The following CCNY variants were observed in gnomAD, a reference collection of about 807,000 sequenced individuals.
The protein encoded by CCNY is cyclin Y, also known as cyclin-Y.
CCNY carries 19 observed loss-of-function variants against 42.8 expected under a neutral mutation model. The observed-to-expected ratio is 0.44, with a 90% confidence interval of 0.31 to 0.65. The LOEUF (loss-of-function observed/expected upper bound fraction) is 0.65. Ranked by LOEUF, CCNY falls within the 30% of genes least tolerant of loss-of-function variation. CCNY has a pLI of 0.07. For synonymous variants in CCNY, 165 were observed against 162.7 expected (o/e 1.01, Z -0.11); for missense variants, 370 against 437.3 (o/e 0.85, Z 1.37).
At chr10:35,294,275 T>C (rs1443955516) in intron 3 of CCNY, among the ~76,000 whole-genome samples, 2 of 152,212 alleles carry the variant, frequency 1.3e-5, no homozygotes, top group Non-Finnish European at 2.9e-5. Context: ...TTATCCTGGT[T>C]AGAACCTCTA....
chr10:35,308,203 C>G (rs532667822), intron 3 of CCNY, among the ~76,000 whole-genome samples: 1 of 152,022 alleles, frequency 6.6e-6, no homozygotes, highest in East Asian at 1.9e-4. Flanking sequence ...CATGGCAGAG[C>G]TTAGAATGGA....
At chr10:35,513,480 C>T (rs913209636) in intron 3 of CCNY, among the ~76,000 whole-genome samples, 4 of 152,204 alleles carry the variant, frequency 2.6e-5, no homozygotes, top group African/African-American at 7.2e-5. Context: ...GCATAAAGAA[C>T]ATCCCTGTTG....
chr10:35,388,857 A>AGG (rs1336287766), intron 1 of CCNY, among the ~76,000 whole-genome samples: 2 of 152,146 alleles, frequency 1.3e-5, no homozygotes, highest in African/African-American at 4.8e-5. Flanking sequence ...CAGTGTCTAG[A>AGG]GGTTGCCTGC....
At chr10:35,540,792 A>C (rs1460143693) in intron 7 of CCNY, among the ~76,000 whole-genome samples, 1 of 152,188 alleles carries the variant, frequency 6.6e-6, no homozygotes, top group Non-Finnish European at 1.5e-5. Context: ...AGCATTACCC[A>C]ATTTGTTGTC....
chr10:35,407,206 C>T (rs767814889), intron 1 of CCNY, among the ~76,000 whole-genome samples: 4 of 151,958 alleles, frequency 2.6e-5, no homozygotes, highest in Non-Finnish European at 4.4e-5. Flanking sequence ...AGTCATGGAA[C>T]GAAACTGTAA....
At chr10:35,476,543 C>T (rs1252010150) in intron 1 of CCNY, among the ~76,000 whole-genome samples, 1 of 151,838 alleles carries the variant, frequency 6.6e-6, no homozygotes, top group Non-Finnish European at 1.5e-5. Flanking sequence ...CTACTGGGTA[C>T]ATAACGAAAT....
In CCNY at chr10:35,297,741, T is replaced by C. The variant is rs367927919; in HGVS notation, c.-9+47115T>C. ...ATCAGGAATGCAATCCCATTCACAATTGCCACAAAAAGAAAAAAATACCTA... is the reference window on the plus strand; with the variant it reads ...ATCAGGAATGCAATCCCATTCACAACTGCCACAAAAAGAAAAAAATACCTA... On this transcript the variant is annotated intron_variant, in intron 3 of 11. Coordinates refer to the CCNY transcript ENST00000374706. Among the ~76,000 whole-genome samples, 56 of 152,034 alleles carry C rather than the reference T, an allele frequency of 3.7e-4. No homozygotes were observed. In the East Asian group the frequency reaches 0.01, roughly 28 times the overall value.
At chr10:35,418,578 A>G (rs2135259246) in intron 1 of CCNY, among the ~76,000 whole-genome samples, 1 of 152,288 alleles carries the variant, frequency 6.6e-6, no homozygotes, top group East Asian at 1.9e-4. Context: ...CATAACAATG[A>G]TAACAGATGG....
At chr10:35,407,350 C>T (rs549166037) in intron 1 of CCNY, among the ~76,000 whole-genome samples, 55 of 151,874 alleles carry the variant, frequency 3.6e-4, no homozygotes, top group African/African-American at 1.0e-3. Flanking sequence ...TCAGATGGGT[C>T]CCTAGAAAAG....
intron 1 of CCNY, among the ~76,000 whole-genome samples, chr10:35,411,888 TAAC>T (rs1837914734): frequency 6.6e-6 from 1 of 152,254 alleles, no homozygotes; most frequent in African/African-American, 2.4e-5. Flanking sequence ...TTTGCTATGA[TAAC>T]AACACCACTG....
At chr10:35,399,248 C>T (rs564846656) in intron 1 of CCNY, among the ~76,000 whole-genome samples, 8 of 151,906 alleles carry the variant, frequency 5.3e-5, no homozygotes, top group African/African-American at 1.4e-4. Flanking sequence ...ATGGTGAGGT[C>T]GTAGCTCCCT....
At chr10:35,557,840 G>T (rs1841390406) in intron 8 of CCNY, among the ~76,000 whole-genome samples, 1 of 152,160 alleles carries the variant, frequency 6.6e-6, no homozygotes, top group South Asian at 2.1e-4. Flanking sequence ...GAGATCAGTA[G>T]TTTGTTCTTT....
At chr10:35,489,693 A>G (rs1340601010) in intron 2 of CCNY, among the ~76,000 whole-genome samples, 1 of 152,216 alleles carries the variant, frequency 6.6e-6, no homozygotes, top group Non-Finnish European at 1.5e-5. Flanking sequence ...AAAAATCTCC[A>G]AGGGATTTGT....
intron 4 of CCNY, among the ~76,000 whole-genome samples, chr10:35,520,569 A>G (rs1425847791): frequency 1.3e-5 from 2 of 152,128 alleles, no homozygotes; most frequent in African/African-American, 4.8e-5. Context: ...TAGGTTCTAA[A>G]CAGCGATTTA....
At chr10:35,349,509 C>A (rs1238725986) in intron 1 of CCNY, among the ~76,000 whole-genome samples, 1 of 152,230 alleles carries the variant, frequency 6.6e-6, no homozygotes, top group East Asian at 1.9e-4. Context: ...TGGCGATACA[C>A]TTCTTAGTGT....
chr10:35,390,899 C>A (rs1483509061), intron 1 of CCNY, among the ~76,000 whole-genome samples: 1 of 152,142 alleles, frequency 6.6e-6, no homozygotes, highest in Non-Finnish European at 1.5e-5. Flanking sequence ...GAACCCAGGG[C>A]CCTGCTGAGT....
At chr10:35,362,134 A>G (rs1010515495) in intron 1 of CCNY, among the ~76,000 whole-genome samples, 7 of 152,362 alleles carry the variant, frequency 4.6e-5, no homozygotes, top group Admixed American at 2.6e-4. Context: ...CAAAATCCAA[A>G]AAAAATTGAA....
chr10:35,466,705 A>G (rs1320789279), intron 1 of CCNY, among the ~76,000 whole-genome samples: 3 of 152,174 alleles, frequency 2.0e-5, no homozygotes, highest in African/African-American at 7.2e-5. Context: ...AGAGTGCTCA[A>G]AAGGGAGCAG....
rs10688043 is a variant in CCNY at position 35,312,747 on chromosome 10, CTT to C, written c.-9+62141_-9+62142del. ...TATCCCAATAGAGTATTCCTTTTTA[CTT>C]TTTTTTTTTTTTTTTTTTTAGAGTT... On this transcript the variant is annotated intron_variant, in intron 3 of 11. Coordinates refer to the CCNY transcript ENST00000374706. Among the ~76,000 whole-genome samples, 542 of 112,124 alleles carry C rather than the reference CTT, an allele frequency of 4.8e-3. 5 individuals are homozygous for C. The highest frequency in any genetic ancestry group is 0.017 in the African/African-American group (485 of 28,978). The allele number at this position is 112,124 out of a possible 152,430, so 73.6% of individuals were successfully genotyped here.
Sources: gnomAD v4.1 joint callset for allele counts (sites outside exome capture counted in the v4.1 genomes callset) on GRCh38, gnomAD v4.1.1 for gene constraint, MANE v1.5 for transcripts, NCBI Gene and HGNC (gene_info 2026-07-23, HGNC 2026-07-21) for gene names.